CCNJL: variants seen among roughly 807,000 people sequenced by gnomAD.
The protein encoded by CCNJL is cyclin-J-like protein.
In CCNJL, 33 loss-of-function variants were observed where a neutral mutation model predicts 33.4. That is an observed-to-expected ratio of 0.99 (90% CI 0.75 to 1.32). The LOEUF is 1.32. Ranked by LOEUF, CCNJL falls within the 40% of genes most tolerant of loss-of-function variation. CCNJL has a pLI of 0.00. For synonymous variants in CCNJL, 227 were observed against 220.9 expected (o/e 1.03, Z -0.24); for missense variants, 512 against 499.7 (o/e 1.02, Z -0.23).
chr5:160,249,829 A>G lies in CCNJL; in HGVS notation c.*3549T>C, dbSNP rs1044935541. 4.6e-5 allele frequency: 7 copies of G among 151,552 alleles called. No individual in the cohort carries two copies. In the East Asian group the frequency reaches 1.4e-3, roughly 29 times the overall value. 9.4% of individuals were successfully genotyped at this position (151,552 alleles called of 1,614,324 possible). ...ATAAAATAAAAATTTAAAAAATCAA[A>G]CTAAACTGGGGAGTTATAAAAATAC... On this transcript the variant is annotated 3_prime_UTR_variant, in exon 6 of 6. Transcript: ENST00000257536.
At chr5:160,308,733 G>A (rs1173579942) in intron 2 of CCNJL, among the ~76,000 whole-genome samples, 4 of 152,256 alleles carry the variant, frequency 2.6e-5, no homozygotes, top group Admixed American at 2.6e-4. Context: ...TCTAGCCTGT[G>A]CGACAGAGTG....
intron 2 of CCNJL, among the ~76,000 whole-genome samples, chr5:160,290,426 C>T (rs917861010): frequency 2.0e-5 from 3 of 151,948 alleles, no homozygotes; most frequent in Admixed American, 6.6e-5. Context: ...CCACCACACC[C>T]GTCTAATTTT....
intron 1 of CCNJL, among the ~76,000 whole-genome samples, chr5:160,324,946 C>T (rs1763517000): frequency 6.6e-6 from 1 of 152,192 alleles, no homozygotes; most frequent in Admixed American, 6.5e-5. Context: ...CCTTTTCTCC[C>T]TTTGCAAGGG....
intron 4 of CCNJL, 103 bp from the exon 5 acceptor site, chr5:160,255,811 C>A: frequency 1.1e-6 from 1 of 947,458 alleles, no homozygotes. Flanking sequence ...CAAGGCTTTT[C>A]ATCGCTGCCC....
chr5:160,280,526 T>G lies in CCNJL; in HGVS notation c.279A>C (p.Ala93=), dbSNP rs777728909. Residue 93 remains alanine (A), a splice_region_variant and synonymous_variant, in exon 3 of 6, where the codon GCA becomes GCC. Transcript: ENST00000257536. Reference sequence around the variant, plus strand: ...AGGAAGACGTAGGTTTTCGCTTACTTGCAAGCAGGAGGCAGGAGACGGCCA... The same window carrying G: ...AGGAAGACGTAGGTTTTCGCTTACTGGCAAGCAGGAGGCAGGAGACGGCCA... The part of the protein sequence containing the change: ...YTVAVSCLLL[A]SKFEDREDHV... 1.2e-6 allele frequency: 2 copies of G among 1,611,922 alleles called. No homozygotes were observed. Among genetic ancestry groups the G allele is most frequent in the South Asian group, 2.2e-5 (2 of 91,020 alleles).
At chr5:160,312,598 A>T (rs1763311913), upstream of CCNJL, 1 of 151,064 alleles carries the variant, frequency 6.6e-6, no homozygotes, top group African/African-American at 2.4e-5. Flanking sequence ...CGCTGGGGGA[A>T]TTGGGGGCCG....
chr5:160,259,448 C>T, intron 4 of CCNJL, 21 bp downstream of exon 4: 1 of 1,591,350 alleles, frequency 6.3e-7, no homozygotes, highest in Non-Finnish European at 8.6e-7. Context: ...GGAGGTCCTG[C>T]CATCGGGTCC....
At chr5:160,330,238 CA>C (rs1389779949) in intron 1 of CCNJL, among the ~76,000 whole-genome samples, 6 of 152,164 alleles carry the variant, frequency 3.9e-5, no homozygotes, top group Non-Finnish European at 7.3e-5. Context: ...CATATCACCT[CA>C]AGGGCTTAAA....
Position 160,305,576 on chromosome 5 carries a change from C to T in CCNJL, c.66+6282G>A, listed in dbSNP as rs151009692. ...TAGAGAGAGCACATCCGTTGGAGAG[C>T]GCCAGAAAACAAACTAAAACACAAG... is the stretch of plus-strand genomic sequence containing the variant. On this transcript the variant is annotated intron_variant, in intron 2 of 5. Transcript: ENST00000257536. 3.3e-4 allele frequency among the ~76,000 whole-genome samples: 51 copies of T among 152,304 alleles called. No individual in the cohort carries two copies. The East Asian group carries it at 8.7e-3, about 26-fold the overall frequency.
At chr5:160,293,269 G>A (rs769911530) in intron 2 of CCNJL, among the ~76,000 whole-genome samples, 19 of 152,110 alleles carry the variant, frequency 1.2e-4, no homozygotes, top group Non-Finnish European at 2.6e-4. Context: ...AAATACAAAA[G>A]GATTAGCTGG....
At chr5:160,289,697 A>T (rs556787669) in intron 2 of CCNJL, among the ~76,000 whole-genome samples, 114 of 152,238 alleles carry the variant, frequency 7.5e-4, no homozygotes, top group African/African-American at 2.6e-3. Context: ...GCCCACCTAA[A>T]GCCCCAACCT....
At chr5:160,280,496 C>T (rs764546553) in intron 3 of CCNJL, 29 bp downstream of exon 3, 8 of 1,559,734 alleles carry the variant, frequency 5.1e-6, no homozygotes, top group Non-Finnish European at 7.0e-6. Flanking sequence ...ACCGCACAAG[C>T]GCGGAGGAAG....
At chr5:160,266,553 T>G (rs754839545) in intron 3 of CCNJL, among the ~76,000 whole-genome samples, 1 of 152,102 alleles carries the variant, frequency 6.6e-6, no homozygotes, top group African/African-American at 2.4e-5. Flanking sequence ...TCACTCCTGG[T>G]ATCATTTGTG....
intron 4 of CCNJL, among the ~76,000 whole-genome samples, chr5:160,256,337 C>T (rs7714235): frequency 0.013 from 1,960 of 152,294 alleles, 37 homozygotes; most frequent in African/African-American, 0.044. Flanking sequence ...GAATGACACA[C>T]TATTTCAAAG....
At chr5:160,336,072 A>G (rs1455838074) in intron 1 of CCNJL, among the ~76,000 whole-genome samples, 1 of 152,166 alleles carries the variant, frequency 6.6e-6, no homozygotes, top group Non-Finnish European at 1.5e-5. Context: ...TGATCTCTCT[A>G]GAACCATGGC....
chr5:160,301,975 C>T (rs1446913720), intron 2 of CCNJL, among the ~76,000 whole-genome samples: 10 of 149,846 alleles, frequency 6.7e-5, no homozygotes, highest in Non-Finnish European at 1.2e-4. Context: ...TGTGATCCAC[C>T]CACCTCGGCC....
chr5:160,292,222 C>T (rs1294675889), intron 2 of CCNJL, among the ~76,000 whole-genome samples: 1 of 152,150 alleles, frequency 6.6e-6, no homozygotes. Context: ...TACCTTCCCG[C>T]AAGTCTTCAT....
chr5:160,294,693 T>C (rs185592195), intron 2 of CCNJL: 238 of 152,616 alleles, frequency 1.6e-3, no homozygotes, highest in African/African-American at 5.5e-3. Flanking sequence ...ATTCTTTACT[T>C]CTGCCAGCTT....
chr5:160,301,981 C>G (rs1188101474), intron 2 of CCNJL, among the ~76,000 whole-genome samples: 1 of 152,134 alleles, frequency 6.6e-6, no homozygotes, highest in African/African-American at 2.4e-5. Flanking sequence ...CCACCCACCT[C>G]GGCCTCCCAA....
Sources: gnomAD v4.1 joint callset for allele counts (sites outside exome capture counted in the v4.1 genomes callset) on GRCh38, gnomAD v4.1.1 for gene constraint, MANE v1.5 for transcripts, NCBI Gene and HGNC (gene_info 2026-07-23, HGNC 2026-07-21) for gene names.